Variants in PNPLA6 observed in about 807,000 individuals in gnomAD.
PNPLA6 encodes the protein patatin like domain 6, lysophospholipase.
A neutral mutation model predicts 153.7 loss-of-function variants in PNPLA6; 105 were observed. That is an observed-to-expected ratio of 0.68 (90% CI 0.58 to 0.80). The LOEUF is 0.80. PNPLA6 is among the 30% of genes least tolerant of loss of function. The pLI, the probability that PNPLA6 is intolerant of heterozygous loss-of-function variation, is 0.00. For synonymous variants in PNPLA6, 825 were observed against 822.2 expected, an observed-to-expected ratio of 1.00 and a Z score of -0.06; for missense variants, 1,423 against 1,919.3, an observed-to-expected ratio of 0.74 and a Z score of 4.83.
intron 3 of PNPLA6, among the ~76,000 whole-genome samples, chr19:7,536,830 G>A (rs189419337): frequency 6.8e-6 from 1 of 148,096 alleles, no homozygotes; most frequent in Non-Finnish European, 1.5e-5. Context: ...AGAAGGGTGA[G>A]ACAGGAGAAT....
Position 7,561,734 on chromosome 19 carries a change from C to A in PNPLA6, c.*172C>A, listed in dbSNP as rs1237382462. The A allele has an allele frequency of 1.4e-6, 1 of 702,458 alleles. No homozygotes were observed. Among genetic ancestry groups the A allele is most frequent in the Non-Finnish European group, 2.6e-6 (1 of 385,412 alleles). 43.5% of individuals were successfully genotyped at this position (702,458 alleles called of 1,614,324 possible). A position where few individuals can be genotyped will look rare whatever the true frequency, so the allele number is the denominator to read the frequency against. ...AGTGTTGCACTGATGACTTGACCAG[C>A]CCCTCCCCCAATAAACTCGCCTCTT... is the stretch of plus-strand genomic sequence containing the variant. On this transcript the variant is annotated 3_prime_UTR_variant, in exon 32 of 32. Transcript: ENST00000600737.
intron 3 of PNPLA6, 32 bp from the exon 4 acceptor site, chr19:7,539,886 C>A: frequency 2.1e-6 from 3 of 1,453,176 alleles, no homozygotes; most frequent in South Asian, 2.4e-5. Flanking sequence ...TCCGTGCCCC[C>A]CTCACCCCCG....
At position 7,554,893 on chromosome 19, in the gene PNPLA6, C is replaced by G. The variant is rs2023804059; in HGVS notation, c.2635C>G (p.Leu879Val). ...LGDQEPTLGQ[L>V]EQMLENTAVR... is the part of the protein sequence containing the mutation. Reference sequence around the variant, plus strand: ...GACCTCAGCCGTCCGTATTCCGCAGCTGGAGCAGATGCTGGAGAACACGGC... The same window carrying G: ...GACCTCAGCCGTCCGTATTCCGCAGGTGGAGCAGATGCTGGAGAACACGGC... Residue 879 changes from leucine (L) to valine (V), a missense_variant and splice_region_variant, in exon 22 of 32, where the codon CTG (leucine) becomes GTG (valine). Around this residue, in one of 10 missense-constraint regions of PNPLA6, gnomAD observed 643 missense variants for 835.2 expected, o/e 0.77. Transcript: ENST00000600737. 6.3e-7 allele frequency: 1 copy of G among 1,584,100 alleles called. No individual in the cohort carries two copies. The highest frequency in any genetic ancestry group is 2.3e-5 in the East Asian group (1 of 44,232).
At chr19:7,551,328 G>T (rs2023641402) in intron 17 of PNPLA6, 34 bp from the exon 18 acceptor site, 1 of 1,604,174 alleles carries the variant, frequency 6.2e-7, no homozygotes. Flanking sequence ...CGCTTCCCAG[G>T]TCTCACTGAA....
At chr19:7,548,018 T>C (rs2023462944) in intron 13 of PNPLA6, among the ~76,000 whole-genome samples, 1 of 68,910 alleles carries the variant, frequency 1.5e-5, no homozygotes, top group South Asian at 6.3e-4. Context: ...CTGGGCCACA[T>C]TGGAAGAATT....
At chr19:7,535,337 G>T, upstream of PNPLA6, 2 of 644,170 alleles carry the variant, frequency 3.1e-6, no homozygotes, top group Admixed American at 2.3e-5. The surrounding 1 kb of genome is among the most constrained non-coding windows in gnomAD (Gnocchi z 5.0). Context: ...AGGTCGGTTT[G>T]CTCCATCCCT....
chr19:7,556,878 C>A, intron 26 of PNPLA6, 154 bp downstream of exon 26: 3 of 714,784 alleles, frequency 4.2e-6, no homozygotes, highest in Non-Finnish European at 5.1e-6. Flanking sequence ...CCCACTAATG[C>A]CCCGGAGACC....
chr19:7,549,812 T>C, intron 13 of PNPLA6, 95 bp from the exon 14 acceptor site: 1 of 1,261,820 alleles, frequency 7.9e-7, no homozygotes, highest in South Asian at 1.2e-5. Context: ...TAACCCTTCC[T>C]TTCTTCTTTA....
Position 7,551,377 on chromosome 19 carries a change from A to T in PNPLA6, c.2200A>T (p.Ile734Phe). The T allele has an allele frequency of 1.2e-6, 2 of 1,614,040 alleles. No homozygotes were observed. Among genetic ancestry groups the T allele is most frequent in the Non-Finnish European group, 1.7e-6 (2 of 1,179,988 alleles). The part of the protein sequence containing the change: ...RRYPQVVTRL[I>F]HLLSQKILGN... ...ACGCCCCCAGGTCGTGACCCGCCTT[A>T]TCCACCTACTGAGCCAGAAAATTCT... The change falls in exon 18 of 32, where the codon ATC (isoleucine) becomes TTC (phenylalanine). Residue 734 changes from isoleucine to phenylalanine, a missense_variant. Around this residue, in one of 10 missense-constraint regions of PNPLA6, gnomAD observed 63 missense variants for 166.2 expected, o/e 0.38. Coordinates refer to ENST00000600737, the MANE Select transcript of PNPLA6 (RefSeq NM_001166114.2).
At chr19:7,549,783 T>A in intron 13 of PNPLA6, 124 bp from the exon 14 acceptor site, 1 of 966,568 alleles carries the variant, frequency 1.0e-6, no homozygotes, top group South Asian at 1.4e-5. Flanking sequence ...CACCGCGCCC[T>A]GCGCCTTCAT....
At position 7,535,885 on chromosome 19, in the gene PNPLA6, T is replaced by C. The variant is rs751010496; in HGVS notation, c.97T>C (p.Ser33Pro). The C allele has an allele frequency of 6.5e-7, 1 of 1,545,308 alleles. No individual in the cohort carries two copies. Among genetic ancestry groups the C allele is most frequent in the Non-Finnish European group, 8.7e-7 (1 of 1,150,808 alleles). ...GGACGTCCTGGCGCCCGGGGAAGGC[T>C]CGGCGGGACGGATTTGCGGTGCGCA... Reference protein sequence around the residue: ...FQDVLAPGEGSAGRICGAQPV... With the variant: ...FQDVLAPGEGPAGRICGAQPV... The change falls in exon 1 of 32, where the codon TCG (serine) becomes CCG (proline). Residue 33 changes from serine to proline, a missense_variant. Coordinates refer to ENST00000600737, the MANE Select transcript of PNPLA6 (RefSeq NM_001166114.2). This position sits in a 1 kb window ranked among gnomAD's most constrained non-coding sequence, Gnocchi z 5.0.
chr19:7,551,089 C>T lies in PNPLA6; in HGVS notation c.2166C>T (p.Ile722=). ...TTCCCGAGGGCACCTTGGGTCACATCAAACGCCGGTACCCGCAGGTGCGGC... is the reference window on the plus strand; with the variant it reads ...TTCCCGAGGGCACCTTGGGTCACATTAAACGCCGGTACCCGCAGGTGCGGC... ...AKLPEGTLGH[I]KRRYPQVVTR... Residue 722 remains isoleucine (I), a synonymous_variant, in exon 17 of 32, where the codon ATC becomes ATT. Coordinates refer to ENST00000600737, the MANE Select transcript of PNPLA6 (RefSeq NM_001166114.2). 6.5e-7 allele frequency: 1 copy of T among 1,542,632 alleles called. No homozygotes were observed.
At chr19:7,556,988 G>T in intron 26 of PNPLA6, 180 bp from the exon 27 acceptor site, 1 of 735,416 alleles carries the variant, frequency 1.4e-6, no homozygotes, top group Admixed American at 1.9e-5. Flanking sequence ...GTTACGTCCG[G>T]GCCAGCGCCT....
Position 7,561,017 on chromosome 19 carries a change from C to T in PNPLA6, c.3820C>T (p.Leu1274Phe). 6.2e-7 allele frequency: 1 copy of T among 1,609,654 alleles called. No homozygotes were observed. Among genetic ancestry groups the T allele is most frequent in the Non-Finnish European group, 8.5e-7 (1 of 1,177,886 alleles). ...DLNESRRADV[L>F]AFPSSGFTDL... ...CCTCACCAGTGTCACCCCACAGGTG[C>T]TTGCCTTCCCAAGCTCTGGCTTCAC... The change falls in exon 30 of 32, where the codon CTT becomes TTT. Residue 1274 changes from leucine (L) to phenylalanine (F), a missense_variant. Coordinates refer to ENST00000600737, the MANE Select transcript of PNPLA6 (RefSeq NM_001166114.2).
intron 13 of PNPLA6, among the ~76,000 whole-genome samples, chr19:7,545,219 GT>G (rs1371843751): frequency 6.6e-6 from 1 of 151,988 alleles, no homozygotes; most frequent in Non-Finnish European, 1.5e-5. Flanking sequence ...TAGAGATGGG[GT>G]TTCACCATGT....
At chr19:7,544,927 G>C (rs981815110) in intron 13 of PNPLA6, among the ~76,000 whole-genome samples, 1 of 152,140 alleles carries the variant, frequency 6.6e-6, no homozygotes, top group East Asian at 1.9e-4. Flanking sequence ...ACCCAGCCCT[G>C]GCCTGTCAGT....
chr19:7,547,096 G>C lies in PNPLA6; in HGVS notation c.1609-2811G>C, dbSNP rs557654969. Among the ~76,000 whole-genome samples the C allele has an allele frequency of 2.0e-5, 3 of 151,952 alleles. No individual in the cohort carries two copies. In the South Asian group the frequency reaches 6.2e-4, roughly 32 times the overall value. On this transcript the variant is annotated intron_variant, in intron 13 of 31. Coordinates refer to ENST00000600737, the MANE Select transcript of PNPLA6 (RefSeq NM_001166114.2). The stretch of plus-strand genomic sequence containing the variant: ...ATTTTTGTATTTTTAGTAGAAACAC[G>C]GTTTCACCATATTGGTCAGGCTGGT...
intron 26 of PNPLA6, chr19:7,556,947 C>G: frequency 2.9e-6 from 2 of 689,302 alleles, no homozygotes; most frequent in Admixed American, 2.0e-5. Flanking sequence ...GCCTTACCCC[C>G]CTCACGCCAT....
At chr19:7,554,043 G>A (rs2023763097) in intron 19 of PNPLA6, 28 bp downstream of exon 19, 1 of 1,610,078 alleles carries the variant, frequency 6.2e-7, no homozygotes, top group East Asian at 2.2e-5. Context: ...CATGGGTGGG[G>A]GCTGGCGGTG....
Sources: gnomAD v4.1 joint callset for allele counts (sites outside exome capture counted in the v4.1 genomes callset) on GRCh38, gnomAD v4.1.1 for gene constraint, gnomAD v4.1.1 regional missense constraint, Gnocchi (gnomAD v3.1) non-coding constraint, MANE v1.5 for transcripts, NCBI Gene and HGNC (gene_info 2026-07-23, HGNC 2026-07-21) for gene names.